RBM38: variants seen among roughly 807,000 people sequenced by gnomAD.
RBM38 encodes RNA-binding protein 38.
RBM38 carries 11 observed loss-of-function variants against 23.5 expected under a neutral mutation model. The ratio of observed to expected loss-of-function variants is 0.47; its 90% confidence interval spans 0.29 to 0.77. RBM38 has a LOEUF of 0.77. RBM38 is among the 30% of genes least tolerant of loss of function. RBM38 has a pLI of 0.08. For missense variants in RBM38, 330 were observed against 351.9 expected (o/e 0.94, Z 0.50); for synonymous variants, 165 against 166.1 (o/e 0.99, Z 0.05).
intron 1 of RBM38, chr20:57,392,216 C>T (rs73917113): frequency 2.0e-5 from 7 of 344,914 alleles, no homozygotes; most frequent in Non-Finnish European, 3.9e-5. Context: ...TAACAGCCCT[C>T]TCAGCCGCCC....
chr20:57,399,170 G>A (rs998421904), intron 3 of RBM38, among the ~76,000 whole-genome samples: 5 of 152,212 alleles, frequency 3.3e-5, no homozygotes, highest in African/African-American at 7.2e-5. Context: ...CTCAGGGCCC[G>A]ACAGGGTAGC....
At chr20:57,396,669 C>T (rs2067277849) in intron 3 of RBM38, among the ~76,000 whole-genome samples, 1 of 152,210 alleles carries the variant, frequency 6.6e-6, no homozygotes, top group Non-Finnish European at 1.5e-5. Flanking sequence ...GGTGGAATAT[C>T]CCTGGCCTCC....
rs995765070 is a variant in RBM38, at chr20:57,408,474, C to T, written c.*628C>T. The T allele has an allele frequency of 6.5e-6, 1 of 153,550 alleles. No homozygotes were observed. The highest frequency in any genetic ancestry group is 1.5e-5 in the Non-Finnish European group (1 of 68,928). The allele number at this position is 153,550 out of a possible 1,614,324, so 9.5% of individuals were successfully genotyped here. ...CGCCGGCCAAAGGCCCCTTTCCAGT[C>T]ATAGCACTGAAGTTGCAACTTTTTT... On this transcript the variant is annotated 3_prime_UTR_variant, in exon 4 of 4. Transcript: ENST00000356208.
chr20:57,397,913 A>G (rs1036384203), intron 3 of RBM38, among the ~76,000 whole-genome samples: 5 of 152,230 alleles, frequency 3.3e-5, no homozygotes, highest in African/African-American at 1.2e-4. Flanking sequence ...TGGGGACGGA[A>G]CAGTTCCGCG....
intron 3 of RBM38, among the ~76,000 whole-genome samples, chr20:57,401,087 G>C (rs985392755): frequency 6.6e-6 from 1 of 151,396 alleles, no homozygotes; most frequent in Non-Finnish European, 1.5e-5. Context: ...GCGCCTGGCC[G>C]CTGGTCTGTT....
intron 3 of RBM38, among the ~76,000 whole-genome samples, chr20:57,396,170 C>T (rs915165078): frequency 1.3e-5 from 2 of 152,202 alleles, no homozygotes; most frequent in Non-Finnish European, 2.9e-5. Context: ...GTTTCCTTGC[C>T]TCTTTTCCTT....
chr20:57,399,709 C>T lies in RBM38; in HGVS notation c.416+6376C>T, dbSNP rs542118429. 7.9e-5 allele frequency among the ~76,000 whole-genome samples: 12 copies of T among 152,308 alleles called. No individual in the cohort carries two copies. In the South Asian group the frequency reaches 2.3e-3, roughly 29 times the overall value. On this transcript the variant is annotated intron_variant, in intron 3 of 3. Coordinates refer to ENST00000356208, the MANE Select transcript of RBM38 (RefSeq NM_017495.6). ...CCACAGAACTTGAATGTCCCTAGAC[C>T]TCCCGGCCCTCCCCCTCACAAGTCA...
chr20:57,403,378 G>T (rs1287518449), intron 3 of RBM38, among the ~76,000 whole-genome samples: 2 of 152,230 alleles, frequency 1.3e-5, no homozygotes, highest in African/African-American at 4.8e-5. Context: ...GCGGGGCTTC[G>T]TGGCTGCTTC....
At chr20:57,396,313 C>T (rs1343572827) in intron 3 of RBM38, among the ~76,000 whole-genome samples, 5 of 152,216 alleles carry the variant, frequency 3.3e-5, no homozygotes, top group Admixed American at 1.3e-4. Context: ...CAGCAGGAGC[C>T]GGTGGCCGTG....
At chr20:57,398,798 C>T (rs1252662919) in intron 3 of RBM38, among the ~76,000 whole-genome samples, 1 of 152,236 alleles carries the variant, frequency 6.6e-6, no homozygotes, top group Non-Finnish European at 1.5e-5. Context: ...AGGGTAGAAG[C>T]CTGATCACAG....
chr20:57,404,881 G>A (rs763261606), intron 3 of RBM38, among the ~76,000 whole-genome samples: 1 of 152,250 alleles, frequency 6.6e-6, no homozygotes, highest in Non-Finnish European at 1.5e-5. Context: ...GGATTGAGGC[G>A]CTGTGGGGCA....
chr20:57,396,985 C>G (rs930495543), intron 3 of RBM38, among the ~76,000 whole-genome samples: 1 of 152,234 alleles, frequency 6.6e-6, no homozygotes, highest in African/African-American at 2.4e-5. Context: ...TGACAGGACA[C>G]GGCCACCACA....
Position 57,408,014 on chromosome 20 carries a change from A to G in RBM38, c.*168A>G. ...CCGCCTGCGCCCTGGGACAGCGGAG[A>G]GACGGCTTCTCTTTAATCTAGGTCC... On this transcript the variant is annotated 3_prime_UTR_variant, in exon 4 of 4. Coordinates refer to ENST00000356208, the MANE Select transcript of RBM38 (RefSeq NM_017495.6). The G allele has an allele frequency of 1.3e-6, 1 of 762,644 alleles. No homozygotes were observed. Among genetic ancestry groups the G allele is most frequent in the Non-Finnish European group, 2.1e-6 (1 of 484,464 alleles). 47.2% of individuals were successfully genotyped at this position (762,644 alleles called of 1,614,324 possible).
intron 3 of RBM38, among the ~76,000 whole-genome samples, chr20:57,396,445 T>A (rs2426717): frequency 0.59 from 89,342 of 151,986 alleles, 28,249 homozygotes; most frequent in East Asian, 0.96. Flanking sequence ...CGGTGCCCTG[T>A]GTCAAGGGGT....
chr20:57,394,227 G>A (rs996855383), intron 3 of RBM38, among the ~76,000 whole-genome samples: 6 of 152,186 alleles, frequency 3.9e-5, no homozygotes, highest in East Asian at 1.9e-4. Context: ...TGCGCACCAC[G>A]TAGATTCCAT....
intron 3 of RBM38, among the ~76,000 whole-genome samples, chr20:57,395,100 G>C (rs1054751424): frequency 1.3e-5 from 2 of 152,232 alleles, no homozygotes; most frequent in African/African-American, 2.4e-5. Flanking sequence ...TGTGGGCTGG[G>C]TGCTCTGGCC....
chr20:57,393,341 G>C lies in RBM38; in HGVS notation c.416+8G>C. On this transcript the variant is annotated splice_region_variant and intron_variant, in intron 3 of 3. Transcript: ENST00000356208. Reference sequence around the variant, plus strand: ...GATCCAGCGGACTTACGGGTGAGTGGACATGGCTGGCTTGGGGTGGGTAGT... The same window carrying C: ...GATCCAGCGGACTTACGGGTGAGTGCACATGGCTGGCTTGGGGTGGGTAGT... The C allele has an allele frequency of 6.2e-7, 1 of 1,613,314 alleles. No homozygotes were observed. Among genetic ancestry groups the C allele is most frequent in the Non-Finnish European group, 8.5e-7 (1 of 1,179,570 alleles).
rs142670882 is a variant in RBM38, at chr20:57,393,164, G to C, written c.362-115G>C. 28 of 1,022,590 alleles carry C rather than the reference G, an allele frequency of 2.7e-5. No individual in the cohort carries two copies. The African/African-American group carries it at 3.9e-4, about 14-fold the overall frequency. 63.3% of individuals were successfully genotyped at this position (1,022,590 alleles called of 1,614,324 possible). A position where few individuals can be genotyped will look rare whatever the true frequency, so the allele number is the denominator to read the frequency against. ...GAGGCCTGGGAGGGGAGAGGAAGCGGATGATCCCTTTTGACTAGAGGTGTG... is the reference window on the plus strand; with the variant it reads ...GAGGCCTGGGAGGGGAGAGGAAGCGCATGATCCCTTTTGACTAGAGGTGTG... On this transcript the variant is annotated intron_variant, in intron 2 of 3. Transcript: ENST00000356208.
chr20:57,398,339 T>C (rs1028003183), intron 3 of RBM38, among the ~76,000 whole-genome samples: 1 of 152,116 alleles, frequency 6.6e-6, no homozygotes, highest in Admixed American at 6.5e-5. Flanking sequence ...AAATGGGCCC[T>C]GTTGGCTTCT....
Sources: gnomAD v4.1 joint callset for allele counts (sites outside exome capture counted in the v4.1 genomes callset) on GRCh38, gnomAD v4.1.1 for gene constraint, MANE v1.5 for transcripts, NCBI Gene and HGNC (gene_info 2026-07-23, HGNC 2026-07-21) for gene names.